Variants in SIM1 observed in about 807,000 individuals in gnomAD.
SIM1 encodes the protein SIM bHLH transcription factor 1.
SIM1 carries 18 observed loss-of-function variants against 78.2 expected under a neutral mutation model. The ratio of observed to expected loss-of-function variants is 0.23; its 90% confidence interval spans 0.16 to 0.34. The LOEUF is 0.34. SIM1 is among the 10% of genes least tolerant of loss of function. SIM1 has a pLI of 1.00. For missense variants in SIM1, 939 were observed against 975.1 expected (o/e 0.96, Z 0.49); for synonymous variants, 417 against 385.2 (o/e 1.08, Z -0.97).
At chr6:100,443,952 T>C (rs933768449) in intron 9 of SIM1, among the ~76,000 whole-genome samples, 1 of 152,162 alleles carries the variant, frequency 6.6e-6, no homozygotes, top group African/African-American at 2.4e-5. Flanking sequence ...GTTTATGTTT[T>C]AAAATATTTT....
rs757280640 is a variant in SIM1 at position 100,448,606 on chromosome 6, G to T, written c.616C>A (p.Gln206Lys). ...LDMSPFDGCYQNVGLVAVGHS... is the reference protein window; with the variant it reads ...LDMSPFDGCYKNVGLVAVGHS... Reference sequence around the variant, plus strand: ...CCCACGGCCACCAGGCCCACGTTTTGGTAGCAGCCGTCGAAGGGGGACATG... The same window carrying T: ...CCCACGGCCACCAGGCCCACGTTTTTGTAGCAGCCGTCGAAGGGGGACATG... The change falls in exon 7 of 12, where the codon CAA becomes AAA. Residue 206 changes from glutamine (Q) to lysine (K), a missense_variant. Coordinates refer to ENST00000369208, the MANE Select transcript of SIM1 (RefSeq NM_005068.3). The T allele has an allele frequency of 1.5e-5, 24 of 1,613,964 alleles. No individual in the cohort carries two copies. The highest frequency in any genetic ancestry group is 1.6e-4 in the Middle Eastern group (1 of 6,082).
intron 10 of SIM1, among the ~76,000 whole-genome samples, chr6:100,404,223 C>CA (rs1333858484): frequency 6.6e-6 from 1 of 152,360 alleles, no homozygotes; most frequent in East Asian, 1.9e-4. Flanking sequence ...GCTTCAACAG[C>CA]ATGTTCCAGA....
chr6:100,428,791 C>T (rs1331049954), intron 9 of SIM1, among the ~76,000 whole-genome samples: 1 of 151,646 alleles, frequency 6.6e-6, no homozygotes, highest in African/African-American at 2.4e-5. Context: ...TTATTATATA[C>T]CTATAATAAA....
rs1300110768 is a variant in SIM1 at position 100,393,684 on chromosome 6, T to C, written c.1373A>G (p.Glu458Gly). 5 of 1,614,030 alleles carry C rather than the reference T, an allele frequency of 3.1e-6. No homozygotes were observed. Among genetic ancestry groups the C allele is most frequent in the Non-Finnish European group, 3.4e-6 (4 of 1,179,896 alleles). Residue 458 changes from glutamate (E) to glycine (G), a missense_variant, in exon 11 of 12, where the codon GAA becomes GGA. Physicochemically the swap from Glu to Gly is moderately conservative, Grantham distance 98 (BLOSUM62 -2). This residue lies in a region of SIM1 where 556 missense variants were observed against 521.9 expected (regional missense o/e 1.07). Transcript: ENST00000369208. ...GFALDHSRLV[E>G]ERHFHTQACE... ...GGCCTGGGTATGGAAATGCCTCTCT[T>C]CCACCAGCCTCGAGTGGTCAAGCGC... is the stretch of plus-strand genomic sequence containing the variant.
At chr6:100,433,740 C>CCACCCACACACACA (rs1554222892) in intron 9 of SIM1, among the ~76,000 whole-genome samples, 1 of 124,292 alleles carries the variant, frequency 8.0e-6, no homozygotes, top group Non-Finnish European at 1.7e-5. Flanking sequence ...ACCCCCCCAC[C>CCACCCACACACACA]CACACACACA....
chr6:100,422,740 TGTTA>T (rs1354956042), intron 9 of SIM1, among the ~76,000 whole-genome samples: 1 of 152,102 alleles, frequency 6.6e-6, no homozygotes, highest in Admixed American at 6.6e-5. Context: ...GTAATGCACA[TGTTA>T]GTTTGATTTA....
At chr6:100,415,772 T>C (rs950039713) in intron 10 of SIM1, among the ~76,000 whole-genome samples, 4 of 152,110 alleles carry the variant, frequency 2.6e-5, no homozygotes, top group Non-Finnish European at 5.9e-5. Flanking sequence ...CCTTATGCAT[T>C]TCAAGGAAAT....
Position 100,391,069 on chromosome 6 carries a change from A to T in SIM1, c.1593T>A (p.Asp531Glu). Reference protein sequence around the residue: ...RIHGRGHWDEDSVVSSPDPGS... With the variant: ...RIHGRGHWDEESVVSSPDPGS... ...CAGGGTCTGGAGAACTGACCACACT[A>T]TCTTCATCCCAATGACCTCGCCCTA... The change falls in exon 12 of 12, where the codon GAT (aspartate) becomes GAA (glutamate). Residue 531 changes from aspartate (D) to glutamate (E), a missense_variant. Asp to Glu is a conservative substitution (Grantham distance 45). Around this residue, in one of 5 missense-constraint regions of SIM1, gnomAD observed 556 missense variants for 521.9 expected, o/e 1.07. Transcript: ENST00000369208. 1 of 1,598,568 alleles carries T rather than the reference A, an allele frequency of 6.3e-7. No homozygotes were observed. The highest frequency in any genetic ancestry group is 1.1e-5 in the South Asian group (1 of 88,166).
rs1771557073 is a variant in SIM1, at chr6:100,420,801, G to A, written c.1156C>T (p.Pro386Ser). Residue 386 changes from proline to serine, a missense_variant, in exon 10 of 12, where the codon CCA (proline) becomes TCA (serine). Around this residue, in one of 5 missense-constraint regions of SIM1, gnomAD observed 556 missense variants for 521.9 expected, o/e 1.07. Coordinates refer to ENST00000369208, the MANE Select transcript of SIM1 (RefSeq NM_005068.3). ...SSSKSKSRTS[P>S]YPQYSGFHTE... ...AGCAATGCACTTACCTGAGGGTATG[G>A]GGAAGTCCTGGATTTTGACTTTGAG... 6.2e-7 allele frequency: 1 copy of A among 1,614,080 alleles called. No homozygotes were observed. Among genetic ancestry groups the A allele is most frequent in the Non-Finnish European group, 8.5e-7 (1 of 1,179,986 alleles).
At chr6:100,397,028 T>A (rs1278181534) in intron 10 of SIM1, among the ~76,000 whole-genome samples, 4 of 152,194 alleles carry the variant, frequency 2.6e-5, no homozygotes, top group African/African-American at 9.6e-5. Flanking sequence ...TGTCCCTACA[T>A]CTCAGTTATT....
At chr6:100,417,822 T>C (rs144078833) in intron 10 of SIM1, among the ~76,000 whole-genome samples, 2 of 152,324 alleles carry the variant, frequency 1.3e-5, no homozygotes, top group Non-Finnish European at 2.9e-5. Context: ...AACTCATCAA[T>C]GATTGATTTA....
chr6:100,449,728 G>A (rs766730662), intron 4 of SIM1, 29 bp from the exon 5 acceptor site: 9 of 1,579,428 alleles, frequency 5.7e-6, no homozygotes, highest in African/African-American at 1.3e-5. Context: ...CGCCGTCGCC[G>A]TGGCGGTGGA....
chr6:100,457,752 CG>C (rs1174544943), intron 2 of SIM1, among the ~76,000 whole-genome samples: 1 of 152,260 alleles, frequency 6.6e-6, no homozygotes, highest in Non-Finnish European at 1.5e-5. Flanking sequence ...CACTGCTGCC[CG>C]CCCTGCCTGC....
chr6:100,389,881 T>A lies in SIM1; in HGVS notation c.*480A>T. On this transcript the variant is annotated 3_prime_UTR_variant, in exon 12 of 12. Coordinates refer to ENST00000369208, the MANE Select transcript of SIM1 (RefSeq NM_005068.3). ...CTCTCTTTCTCAGTTATTTTGGGAA[T>A]GGAAATTTCGTTAAGAAGTTTAGTG... The A allele has an allele frequency of 2.5e-6, 1 of 397,712 alleles. No homozygotes were observed. The highest frequency in any genetic ancestry group is 4.4e-6 in the Non-Finnish European group (1 of 225,976). 24.6% of individuals were successfully genotyped at this position (397,712 alleles called of 1,614,324 possible).
chr6:100,453,698 C>T, intron 3 of SIM1, 64 bp downstream of exon 3: 1 of 1,126,620 alleles, frequency 8.9e-7, no homozygotes, highest in South Asian at 1.5e-5. Context: ...ACTAAAAGCT[C>T]AACTCAGGGC....
At position 100,390,937 on chromosome 6, in the gene SIM1, A is replaced by G; in HGVS notation, c.1725T>C (p.Ile575=). The G allele has an allele frequency of 6.2e-7, 1 of 1,614,070 alleles. No individual in the cohort carries two copies. The highest frequency in any genetic ancestry group is 2.2e-5 in the East Asian group (1 of 44,870). ...ETLIRATQQM[I]KEEENRLQLR... is the part of the protein sequence containing the mutation. Reference sequence around the variant, plus strand: ...GCTGTAATCTGTTCTCTTCTTCTTTAATCATTTGCTGAGTGGCTCTTATAA... The same window carrying G: ...GCTGTAATCTGTTCTCTTCTTCTTTGATCATTTGCTGAGTGGCTCTTATAA... The change falls in exon 12 of 12, where the codon ATT becomes ATC. Residue 575 remains isoleucine, a synonymous_variant. Transcript: ENST00000369208.
intron 11 of SIM1, 97 bp from the exon 12 acceptor site, chr6:100,391,188 A>C: frequency 7.8e-7 from 1 of 1,287,506 alleles, no homozygotes; most frequent in Non-Finnish European, 1.0e-6. Context: ...TATATCTTTC[A>C]TTTTTAATAT....
In SIM1 at chr6:100,463,607, A is replaced by G. The variant is rs1388063974; in HGVS notation, c.-139T>C. On this transcript the variant is annotated 5_prime_UTR_variant, in exon 2 of 12. Transcript: ENST00000369208. Reference sequence around the variant, plus strand: ...ATAAAGAGGCTGAAGTATTTGCACCAAGAACAGTGTATTGATGGCAGTAAA... The same window carrying G: ...ATAAAGAGGCTGAAGTATTTGCACCGAGAACAGTGTATTGATGGCAGTAAA... The G allele has an allele frequency of 3.8e-6, 3 of 788,972 alleles. No individual in the cohort carries two copies. The highest frequency in any genetic ancestry group is 2.5e-5 in the East Asian group (1 of 40,414). 48.9% of individuals were successfully genotyped at this position (788,972 alleles called of 1,614,324 possible).
Position 100,418,848 on chromosome 6 carries a change from G to C in SIM1, c.1167+1942C>G, listed in dbSNP as rs535891130. On this transcript the variant is annotated intron_variant, in intron 10 of 11. Coordinates refer to ENST00000369208, the MANE Select transcript of SIM1 (RefSeq NM_005068.3). ...AAGGTACAAGATAGCAATAAGAAAA[G>C]CTTCTCATTAGATGTTCCATAAAAA... is the stretch of plus-strand genomic sequence containing the variant. Among the ~76,000 whole-genome samples the C allele has an allele frequency of 1.4e-3, 207 of 152,116 alleles. 1 individual carries two copies. Among genetic ancestry groups the C allele is most frequent in the African/African-American group, 4.8e-3 (201 of 41,504 alleles).
Sources: allele counts gnomAD v4.1 joint callset (sites outside exome capture counted in the v4.1 genomes callset), GRCh38; gene constraint gnomAD v4.1.1; regional missense constraint gnomAD v4.1.1; transcripts MANE v1.5; gene names NCBI Gene and HGNC (gene_info 2026-07-23, HGNC 2026-07-21).